PLXDC2: variants seen among roughly 807,000 people sequenced by gnomAD.
PLXDC2 encodes the protein plexin domain-containing protein 2.
In PLXDC2, 40 loss-of-function variants were observed where a neutral mutation model predicts 68.9. The ratio of observed to expected loss-of-function variants is 0.58; its 90% CI spans 0.45 to 0.76. PLXDC2 has a LOEUF of 0.76. Among genes scored for constraint, PLXDC2 ranks in the 30% least tolerant of loss-of-function variants. The pLI is 0.00. For synonymous variants in PLXDC2, 243 were observed against 234.2 expected, an observed-to-expected ratio of 1.04 and a Z score of -0.34; for missense variants, 644 against 661.9, an observed-to-expected ratio of 0.97 and a Z score of 0.30.
chr10:20,164,008 T>C (rs761618560), intron 6 of PLXDC2, among the ~76,000 whole-genome samples: 1 of 152,210 alleles, frequency 6.6e-6, no homozygotes, highest in Non-Finnish European at 1.5e-5. Context: ...TATTTGTTTT[T>C]CTCTAGATTT....
chr10:19,892,077 G>A (rs1191382620), intron 1 of PLXDC2, among the ~76,000 whole-genome samples: 1 of 152,176 alleles, frequency 6.6e-6, no homozygotes, highest in Non-Finnish European at 1.5e-5. Flanking sequence ...TGGAGAAATA[G>A]TCAAGTTACA....
At chr10:20,222,213 C>G (rs564573359) in intron 12 of PLXDC2, among the ~76,000 whole-genome samples, 1 of 152,294 alleles carries the variant, frequency 6.6e-6, no homozygotes, top group South Asian at 2.1e-4. Flanking sequence ...GCATTACTTT[C>G]TCTCTGAGTG....
intron 1 of PLXDC2, among the ~76,000 whole-genome samples, chr10:19,824,958 A>C (rs1433099188): frequency 6.6e-6 from 1 of 152,180 alleles, no homozygotes; most frequent in African/African-American, 2.4e-5. Context: ...ATGGGGTCAG[A>C]CACTAAGTGA....
At chr10:19,958,881 G>T (rs1834112558) in intron 1 of PLXDC2, among the ~76,000 whole-genome samples, 1 of 152,146 alleles carries the variant, frequency 6.6e-6, no homozygotes. Context: ...TGTTTCCAGA[G>T]AAGTAAGAGG....
intron 1 of PLXDC2, among the ~76,000 whole-genome samples, chr10:19,983,668 G>T (rs763837719): frequency 6.6e-6 from 1 of 151,998 alleles, no homozygotes; most frequent in Non-Finnish European, 1.5e-5. Context: ...TTCTTCTTTT[G>T]TTCCTATTAT....
chr10:20,119,893 G>C, intron 4 of PLXDC2, among the ~76,000 whole-genome samples: 1 of 152,106 alleles, frequency 6.6e-6, no homozygotes. Flanking sequence ...AATAGAATAA[G>C]AGAAGGAGAA....
At chr10:19,852,085 C>G (rs563098836) in intron 1 of PLXDC2, among the ~76,000 whole-genome samples, 1 of 152,052 alleles carries the variant, frequency 6.6e-6, no homozygotes, top group South Asian at 2.1e-4. Flanking sequence ...CTCTGCAGAC[C>G]TACTGAACGA....
intron 4 of PLXDC2, among the ~76,000 whole-genome samples, chr10:20,093,362 TCTATC>T (rs1407936221): frequency 1.3e-5 from 2 of 152,178 alleles, no homozygotes; most frequent in Non-Finnish European, 2.9e-5. Context: ...ATTATCAATA[TCTATC>T]AATATCTATA....
intron 2 of PLXDC2, among the ~76,000 whole-genome samples, chr10:20,009,840 G>A (rs1246307197): frequency 6.6e-6 from 1 of 151,422 alleles, no homozygotes; most frequent in Non-Finnish European, 1.5e-5. Context: ...CTTGGAAACT[G>A]CTATACAATA....
intron 9 of PLXDC2, among the ~76,000 whole-genome samples, chr10:20,209,725 T>C (rs1835043042): frequency 6.6e-6 from 1 of 152,082 alleles, no homozygotes; most frequent in South Asian, 2.1e-4. Flanking sequence ...ACACACATGC[T>C]CTACAATTTG....
intron 13 of PLXDC2, among the ~76,000 whole-genome samples, chr10:20,251,123 C>A (rs1835669739): frequency 6.6e-6 from 1 of 152,146 alleles, no homozygotes; most frequent in Non-Finnish European, 1.5e-5. Context: ...CATTCCATTT[C>A]TATTCAGTCA....
chr10:19,910,190 A>T (rs1381905097), intron 1 of PLXDC2, among the ~76,000 whole-genome samples: 1 of 136,154 alleles, frequency 7.3e-6, no homozygotes, highest in Admixed American at 7.2e-5. Flanking sequence ...ATATATATAT[A>T]TATATGTCTG....
At chr10:20,263,428 C>T (rs1257227063) in intron 13 of PLXDC2, among the ~76,000 whole-genome samples, 1 of 152,066 alleles carries the variant, frequency 6.6e-6, no homozygotes, top group Admixed American at 6.6e-5. Flanking sequence ...TAGGAAATAC[C>T]ATCCTGACAT....
chr10:20,134,586 A>G (rs548409424), intron 4 of PLXDC2, among the ~76,000 whole-genome samples: 2 of 152,292 alleles, frequency 1.3e-5, no homozygotes, highest in East Asian at 1.9e-4. Context: ...CTGGGTCTGC[A>G]TGACAGGCAT....
intron 2 of PLXDC2, among the ~76,000 whole-genome samples, chr10:20,026,196 A>C (rs1835399423): frequency 6.6e-6 from 1 of 152,106 alleles, no homozygotes; most frequent in Non-Finnish European, 1.5e-5. Flanking sequence ...TTCTCCACTA[A>C]ACTATAAGCA....
chr10:20,230,312 A>G (rs1244873990), intron 12 of PLXDC2, among the ~76,000 whole-genome samples: 1 of 152,188 alleles, frequency 6.6e-6, no homozygotes, highest in African/African-American at 2.4e-5. Context: ...CTATATAAAT[A>G]TCAAATTAAG....
At chr10:20,267,020 C>T (rs1460653957) in intron 13 of PLXDC2, among the ~76,000 whole-genome samples, 3 of 152,152 alleles carry the variant, frequency 2.0e-5, no homozygotes, top group South Asian at 2.1e-4. Flanking sequence ...ATACGTCTCA[C>T]CTAAAGAGAC....
At chr10:20,203,658 A>G (rs1834951306) in intron 9 of PLXDC2, among the ~76,000 whole-genome samples, 1 of 151,994 alleles carries the variant, frequency 6.6e-6, no homozygotes, top group African/African-American at 2.4e-5. Flanking sequence ...TGGAAGAATA[A>G]AAGTCCCTGA....
At chr10:19,883,647 A>G (rs1366346240) in intron 1 of PLXDC2, among the ~76,000 whole-genome samples, 1 of 152,010 alleles carries the variant, frequency 6.6e-6, no homozygotes, top group Non-Finnish European at 1.5e-5. Context: ...CCTAGGATCA[A>G]TCTTTTGGCT....
Sources: gnomAD v4.1 joint callset for allele counts (sites outside exome capture counted in the v4.1 genomes callset) on GRCh38, gnomAD v4.1.1 for gene constraint, MANE v1.5 for transcripts, NCBI Gene and HGNC (gene_info 2026-07-23, HGNC 2026-07-21) for gene names.